IMMP1L: variants seen among roughly 807,000 people sequenced by gnomAD.
IMMP1L encodes the protein mitochondrial inner membrane protease subunit 1.
A neutral mutation model predicts 21.8 loss-of-function variants in IMMP1L; 24 were observed. That is an observed-to-expected ratio of 1.10 (90% CI 0.80 to 1.55). The LOEUF (loss-of-function observed/expected upper bound fraction) is 1.55. IMMP1L is among the 40% of genes most tolerant of loss of function. The pLI, the probability that IMMP1L is intolerant of heterozygous loss-of-function variation, is 0.00. For missense variants in IMMP1L, 195 were observed against 200.7 expected, an observed-to-expected ratio of 0.97 and a Z score of 0.17; for synonymous variants, 46 against 62.8, an observed-to-expected ratio of 0.73 and a Z score of 1.26.
intron 1 of IMMP1L, among the ~76,000 whole-genome samples, chr11:31,497,701 C>T (rs1223505499): frequency 2.0e-5 from 3 of 152,118 alleles, no homozygotes; most frequent in African/African-American, 7.2e-5. Context: ...ACCTCGTGAT[C>T]CGCCTGCCAA....
At chr11:31,449,108 G>T in intron 4 of IMMP1L, 1 of 983,748 alleles carries the variant, frequency 1.0e-6, no homozygotes, top group Non-Finnish European at 1.2e-6. Flanking sequence ...AAAACAAGTC[G>T]CTTGTTTAGA....
chr11:31,502,789 G>A (rs1955662857), intron 1 of IMMP1L, among the ~76,000 whole-genome samples: 1 of 152,204 alleles, frequency 6.6e-6, no homozygotes, highest in South Asian at 2.1e-4. Flanking sequence ...AAAAGTCCCA[G>A]ACTGAATGAC....
rs1955604888 is a variant in IMMP1L, at chr11:31,501,130, T to C, written c.-30+8389A>G. On this transcript the variant is annotated intron_variant, in intron 1 of 5. Transcript: ENST00000532287. ...TACTGGACAGTGCAGATACAGAACA[T>C]TTCCATCAACATAGGAGGTTCTACT... Among the ~76,000 whole-genome samples, 2 of 152,188 alleles carry C rather than the reference T, an allele frequency of 1.3e-5. 1 individual carries two copies. Among genetic ancestry groups the C allele is most frequent in the South Asian group, 4.1e-4 (2 of 4,826 alleles).
chr11:31,509,362 A>G (rs1001722746), intron 1 of IMMP1L, 157 bp downstream of exon 1: 1 of 168,322 alleles, frequency 5.9e-6, no homozygotes, highest in South Asian at 1.4e-4. Flanking sequence ...TCAGAAGATA[A>G]ATGAGCAGGA....
At chr11:31,472,192 T>C (rs973669501) in intron 1 of IMMP1L, among the ~76,000 whole-genome samples, 1 of 152,168 alleles carries the variant, frequency 6.6e-6, no homozygotes, top group Non-Finnish European at 1.5e-5. Context: ...TAAGGCAACA[T>C]ATTCAAAGGT....
Position 31,433,598 on chromosome 11 carries a change from TTAAAGA to T in IMMP1L, c.322-34_322-29del, listed in dbSNP as rs374392413. On this transcript the variant is annotated intron_variant, in intron 4 of 5. Coordinates refer to ENST00000532287, the MANE Select transcript of IMMP1L (RefSeq NM_001304274.2). ...AGAATTAGAGAAGAAATGCAGCCTC[TTAAAGA>T]TAAAACCTAATTTGGGTACTATAAT... is the stretch of plus-strand genomic sequence containing the variant. 7.3e-4 allele frequency: 1,051 copies of T among 1,433,192 alleles called. 6 individuals carry two copies. The African/African-American group carries it at 9.8e-3, about 13-fold the overall frequency. The allele number at this position is 1,433,192 out of a possible 1,614,324, so 88.8% of individuals were successfully genotyped here. A position where few individuals can be genotyped will look rare whatever the true frequency, so the allele number is the denominator to read the frequency against.
At chr11:31,509,442 G>T in intron 1 of IMMP1L, 77 bp downstream of exon 1, 1 of 332,210 alleles carries the variant, frequency 3.0e-6, no homozygotes, top group Middle Eastern at 9.5e-4. Context: ...AGGGTTTATT[G>T]TTTCACCAAC....
In IMMP1L at chr11:31,498,276, T is replaced by G. The variant is rs182997960; in HGVS notation, c.-30+11243A>C. Among the ~76,000 whole-genome samples the G allele has an allele frequency of 1.3e-3, 197 of 152,284 alleles. 1 individual carries two copies. The highest frequency in any genetic ancestry group is 4.2e-3 in the African/African-American group (173 of 41,564). ...AAATAAAAAATATAATAAGCAGAAC[T>G]ATAAAATTAAAATTCTAAAGGTTTT... On this transcript the variant is annotated intron_variant, in intron 1 of 5. Coordinates refer to ENST00000532287, the MANE Select transcript of IMMP1L (RefSeq NM_001304274.2).
rs375864882 is a variant in IMMP1L at position 31,433,571 on chromosome 11, C to G, written c.322-1G>C. On this transcript the variant is annotated splice_acceptor_variant, in intron 4 of 5. Coordinates refer to ENST00000532287, the MANE Select transcript of IMMP1L (RefSeq NM_001304274.2). LOFTEE classifies it high-confidence loss of function. ...CTAACCAAACATGACCCATTGGCAC[C>G]TAGAATTAGAGAAGAAATGCAGCCT... 2.1e-4 allele frequency: 333 copies of G among 1,586,544 alleles called. 1 individual carries two copies. The highest frequency in any genetic ancestry group is 2.8e-4 in the Non-Finnish European group (326 of 1,160,150).
chr11:31,495,560 C>T (rs968119960), intron 1 of IMMP1L, among the ~76,000 whole-genome samples: 9 of 152,072 alleles, frequency 5.9e-5, no homozygotes, highest in Non-Finnish European at 1.2e-4. Flanking sequence ...ACACTCATGG[C>T]GAAAGGACTT....
chr11:31,477,444 C>CATAATT, intron 1 of IMMP1L: 1 of 629,074 alleles, frequency 1.6e-6, no homozygotes, highest in Non-Finnish European at 2.0e-6. Flanking sequence ...AGTCATATAG[C>CATAATT]TTAACATAAG....
At chr11:31,466,411 G>A (rs369773754) in intron 1 of IMMP1L, among the ~76,000 whole-genome samples, 13 of 152,022 alleles carry the variant, frequency 8.6e-5, no homozygotes, top group African/African-American at 2.7e-4. Flanking sequence ...GTATTAATCC[G>A]AAAGAAAGGA....
intron 1 of IMMP1L, among the ~76,000 whole-genome samples, chr11:31,484,651 A>G (rs563240292): frequency 6.6e-6 from 1 of 151,980 alleles, no homozygotes; most frequent in African/African-American, 2.4e-5. Flanking sequence ...TACTGAGATG[A>G]GGTAAATGCA....
At chr11:31,451,706 G>A (rs1395991539) in intron 4 of IMMP1L, among the ~76,000 whole-genome samples, 1 of 152,072 alleles carries the variant, frequency 6.6e-6, no homozygotes, top group Non-Finnish European at 1.5e-5. Flanking sequence ...TGGAGTTCAG[G>A]GAAGAGGTTA....
intron 1 of IMMP1L, among the ~76,000 whole-genome samples, chr11:31,471,749 C>G (rs1954559669): frequency 6.6e-6 from 1 of 152,136 alleles, no homozygotes; most frequent in South Asian, 2.1e-4. Context: ...ACAAAGCGAA[C>G]TGGTAAACGG....
At chr11:31,450,434 T>A (rs1202998786) in intron 4 of IMMP1L, among the ~76,000 whole-genome samples, 1 of 152,180 alleles carries the variant, frequency 6.6e-6, no homozygotes, top group African/African-American at 2.4e-5. Context: ...TATTCCATAG[T>A]GATAAGTCAA....
intron 4 of IMMP1L, among the ~76,000 whole-genome samples, chr11:31,446,699 A>C (rs936513857): frequency 3.3e-5 from 5 of 152,158 alleles, no homozygotes; most frequent in African/African-American, 1.2e-4. Context: ...GCTTTCTTTG[A>C]CTAACTCCTA....
chr11:31,472,727 G>C (rs974852422), intron 1 of IMMP1L, among the ~76,000 whole-genome samples: 2 of 152,162 alleles, frequency 1.3e-5, no homozygotes, highest in Admixed American at 6.5e-5. Context: ...AATTGTGACT[G>C]TGTCATACAG....
At chr11:31,504,196 A>C (rs530481083) in intron 1 of IMMP1L, among the ~76,000 whole-genome samples, 6 of 152,360 alleles carry the variant, frequency 3.9e-5, no homozygotes, top group Non-Finnish European at 7.3e-5. Flanking sequence ...ATAAAGCACC[A>C]GCCACTAAGA....
Sources: gnomAD v4.1 joint callset for allele counts (sites outside exome capture counted in the v4.1 genomes callset) on GRCh38, gnomAD v4.1.1 for gene constraint, MANE v1.5 for transcripts, NCBI Gene and HGNC (gene_info 2026-07-23, HGNC 2026-07-21) for gene names.